TBKBP1: variants seen among roughly 807,000 people sequenced by gnomAD.
The protein encoded by TBKBP1 is TBK1 binding protein 1, also known as TANK-binding kinase 1-binding protein 1.
Under a neutral mutation model 69.9 loss-of-function variants are expected in TBKBP1, and 47 were observed. The observed-to-expected ratio is 0.67, with a 90% CI of 0.53 to 0.86. The LOEUF (loss-of-function observed/expected upper bound fraction) is 0.86. Among genes scored for constraint, TBKBP1 ranks in the 40% least tolerant of loss-of-function variants. The pLI is 0.00. For missense variants in TBKBP1, 831 were observed against 858.6 expected (o/e 0.97, Z 0.40); for synonymous variants, 418 against 390.3 (o/e 1.07, Z -0.84).
chr17:47,696,956 C>G, intron 3 of TBKBP1, 123 bp downstream of exon 3: 4 of 1,518,708 alleles, frequency 2.6e-6, no homozygotes, highest in Non-Finnish European at 2.7e-6. Context: ...CAGGTCCTCC[C>G]TAAGCCCAGC....
intron 1 of TBKBP1, among the ~76,000 whole-genome samples, chr17:47,694,412 G>A (rs2031118624): frequency 6.6e-6 from 1 of 151,858 alleles, no homozygotes; most frequent in African/African-American, 2.4e-5. Flanking sequence ...CCCTTCCCCG[G>A]CCCCGAGAGG....
At chr17:47,705,373 T>A (rs2031661157) in intron 7 of TBKBP1, among the ~76,000 whole-genome samples, 1 of 152,208 alleles carries the variant, frequency 6.6e-6, no homozygotes, top group Non-Finnish European at 1.5e-5. Flanking sequence ...GCCGTAGGGT[T>A]GTTGTGGAGA....
chr17:47,698,884 C>G, intron 5 of TBKBP1, 109 bp downstream of exon 5: 1 of 1,086,358 alleles, frequency 9.2e-7, no homozygotes, highest in Non-Finnish European at 1.3e-6. Flanking sequence ...ATCTATTTCT[C>G]CATAATCATC....
Position 47,708,958 on chromosome 17 carries a change from C to T in TBKBP1, c.1225C>T (p.Pro409Ser), listed in dbSNP as rs2143358210. 8.3e-7 allele frequency: 1 copy of T among 1,200,302 alleles called. No individual in the cohort carries two copies. The highest frequency in any genetic ancestry group is 1.0e-6 in the Non-Finnish European group (1 of 962,298). The allele number at this position is 1,200,302 out of a possible 1,614,324, so 74.4% of individuals were successfully genotyped here. The change falls in exon 9 of 10, where the codon CCC (proline) becomes TCC (serine). Residue 409 changes from proline (P) to serine (S), a missense_variant. Pro to Ser is a moderately conservative substitution (Grantham distance 74). Transcript: ENST00000578982. This position sits in a 1 kb window ranked among gnomAD's most constrained non-coding sequence, Gnocchi z 4.4. Reference protein sequence around the residue: ...RSPVPPSCQSPSPQRRSPVPP... With the variant: ...RSPVPPSCQSSSPQRRSPVPP... The stretch of plus-strand genomic sequence containing the variant: ...GCCGGTGCCGCCGTCGTGCCAGTCC[C>T]CCAGCCCGCAGCGCCGTTCCCCGGT...
At chr17:47,704,530 G>C (rs2031632556) in intron 7 of TBKBP1, among the ~76,000 whole-genome samples, 1 of 152,194 alleles carries the variant, frequency 6.6e-6, no homozygotes, top group African/African-American at 2.4e-5. Flanking sequence ...GCTGGGGGCA[G>C]CTTTGAGCAA....
chr17:47,698,708 C>T lies in TBKBP1; in HGVS notation c.567C>T (p.Pro189=), dbSNP rs141010554. 1,272 of 1,607,584 alleles carry T rather than the reference C, an allele frequency of 7.9e-4. 4 individuals carry two copies. In the African/African-American group the frequency reaches 9.3e-3, roughly 12 times the overall value. ...AFSNLSPPPA[P]APPCTDLDLH... ...CCAACCTGAGCCCACCGCCAGCCCC[C>T]GCCCCTCCCTGCACTGATTTAGACC... Residue 189 remains proline (P), a synonymous_variant, in exon 5 of 10, where the codon CCC becomes CCT. Coordinates refer to ENST00000578982, the MANE Select transcript of TBKBP1 (RefSeq NM_001394755.1).
Position 47,708,936 on chromosome 17 carries a change from G to C in TBKBP1, c.1203G>C (p.Pro401=), listed in dbSNP as rs1049278060. The C allele has an allele frequency of 3.2e-6, 4 of 1,262,516 alleles. No homozygotes were observed. The African/African-American group carries it at 4.9e-5, about 16-fold the overall frequency. 78.2% of individuals were successfully genotyped at this position (1,262,516 alleles called of 1,614,324 possible). A position where few individuals can be genotyped will look rare whatever the true frequency, so the allele number is the denominator to read the frequency against. ...CPSPVPQRRS[P]VPPSCQSPSP... ...CGCCCGTCCCGCAGCGCCGCTCGCCGGTGCCGCCGTCGTGCCAGTCCCCCA... is the reference window on the plus strand; with the variant it reads ...CGCCCGTCCCGCAGCGCCGCTCGCCCGTGCCGCCGTCGTGCCAGTCCCCCA... Residue 401 remains proline (P), a synonymous_variant, in exon 9 of 10, where the codon CCG becomes CCC. Transcript: ENST00000578982. This position sits in a 1 kb window ranked among gnomAD's most constrained non-coding sequence, Gnocchi z 4.4.
intron 7 of TBKBP1, among the ~76,000 whole-genome samples, chr17:47,703,600 G>T (rs2031595707): frequency 6.6e-6 from 1 of 152,170 alleles, no homozygotes; most frequent in Admixed American, 6.5e-5. Context: ...GTGGGGAGCA[G>T]CTCATGCCAG....
chr17:47,694,420 A>AGGGTGTCC (rs1361015884), intron 1 of TBKBP1, among the ~76,000 whole-genome samples: 4 of 146,614 alleles, frequency 2.7e-5, no homozygotes, highest in Non-Finnish European at 4.5e-5. Flanking sequence ...CGGCCCCGAG[A>AGGGTGTCC]GGGTGTCCGG....
At chr17:47,694,897 G>T (rs899619330) in intron 1 of TBKBP1, among the ~76,000 whole-genome samples, 2 of 150,302 alleles carry the variant, frequency 1.3e-5, no homozygotes, top group African/African-American at 4.9e-5. Flanking sequence ...GAGGGGGGGG[G>T]GTGGATTGAA....
In TBKBP1 at chr17:47,708,548, G is replaced by A. The variant is rs1242498368; in HGVS notation, c.991+36G>A. 1.9e-6 allele frequency: 3 copies of A among 1,605,558 alleles called. No homozygotes were observed. Among genetic ancestry groups the A allele is most frequent in the African/African-American group, 2.7e-5 (2 of 74,712 alleles). On this transcript the variant is annotated intron_variant, in intron 8 of 9. Coordinates refer to ENST00000578982, the MANE Select transcript of TBKBP1 (RefSeq NM_001394755.1). This position sits in a 1 kb window ranked among gnomAD's most constrained non-coding sequence, Gnocchi z 4.4. ...GCAGGGCAGGGGGAGGCAGCCGCGGGACCCGGGAAGGAGCGGGTAGCCATG... is the reference window on the plus strand; with the variant it reads ...GCAGGGCAGGGGGAGGCAGCCGCGGAACCCGGGAAGGAGCGGGTAGCCATG...
chr17:47,706,069 A>T (rs895511288), intron 7 of TBKBP1, among the ~76,000 whole-genome samples: 2 of 152,140 alleles, frequency 1.3e-5, no homozygotes, highest in African/African-American at 4.8e-5. Flanking sequence ...CAGGGGAGTG[A>T]CAGGGACCTG....
At chr17:47,702,660 T>C (rs1486162822) in intron 7 of TBKBP1, among the ~76,000 whole-genome samples, 1 of 151,944 alleles carries the variant, frequency 6.6e-6, no homozygotes, top group Non-Finnish European at 1.5e-5. Flanking sequence ...ACTACTACCC[T>C]CCAGGTCTGA....
chr17:47,707,063 A>T (rs931613601), intron 7 of TBKBP1, among the ~76,000 whole-genome samples: 2 of 152,136 alleles, frequency 1.3e-5, no homozygotes, highest in Admixed American at 1.3e-4. Context: ...GACACCTGGT[A>T]TTTTCTCCCA....
Position 47,709,149 on chromosome 17 carries a change from G to C in TBKBP1, c.1416G>C (p.Ala472=). 7.1e-7 allele frequency: 1 copy of C among 1,404,650 alleles called. No individual in the cohort carries two copies. Among genetic ancestry groups the C allele is most frequent in the East Asian group, 3.1e-5 (1 of 32,068 alleles). The allele number at this position is 1,404,650 out of a possible 1,614,324, so 87.0% of individuals were successfully genotyped here. ...YSELAEGAAY[A]GASPPWLQAE... is the part of the protein sequence containing the mutation. ...AGCTGGCGGAGGGCGCGGCCTACGCGGGCGCCTCCCCGCCCTGGCTGCAGG... is the reference window on the plus strand; with the variant it reads ...AGCTGGCGGAGGGCGCGGCCTACGCCGGCGCCTCCCCGCCCTGGCTGCAGG... Residue 472 remains alanine, a synonymous_variant, in exon 9 of 10, where the codon GCG becomes GCC. Transcript: ENST00000578982.
At chr17:47,703,740 ATTTT>A (rs113198338) in intron 7 of TBKBP1, among the ~76,000 whole-genome samples, 1 of 144,958 alleles carries the variant, frequency 6.9e-6, no homozygotes, top group Non-Finnish European at 1.5e-5. Flanking sequence ...CTCCCCTGAA[ATTTT>A]TTTTTTTTTT....
intron 7 of TBKBP1, among the ~76,000 whole-genome samples, chr17:47,703,087 G>A (rs906196466): frequency 1.3e-5 from 2 of 152,046 alleles, no homozygotes; most frequent in African/African-American, 2.4e-5. Flanking sequence ...TCTGTGCGGG[G>A]TCCATCTGGG....
intron 9 of TBKBP1, among the ~76,000 whole-genome samples, chr17:47,710,167 C>T (rs1196495226): frequency 2.0e-5 from 3 of 152,194 alleles, no homozygotes; most frequent in African/African-American, 7.2e-5. Flanking sequence ...GGGGTTGTAC[C>T]TTGTTTAGGA....
chr17:47,708,288 G>A lies in TBKBP1; in HGVS notation c.873-106G>A. On this transcript the variant is annotated intron_variant, in intron 7 of 9. Coordinates refer to ENST00000578982, the MANE Select transcript of TBKBP1 (RefSeq NM_001394755.1). This position sits in a 1 kb window ranked among gnomAD's most constrained non-coding sequence, Gnocchi z 4.4. The stretch of plus-strand genomic sequence containing the variant: ...GGGTAGGAGGGCCCTGCGGGTGGGA[G>A]GGAGCATGGTGGGGCCAGATGCTGG... 1 of 1,196,916 alleles carries A rather than the reference G, an allele frequency of 8.4e-7. No individual in the cohort carries two copies. Among genetic ancestry groups the A allele is most frequent in the Non-Finnish European group, 1.2e-6 (1 of 835,834 alleles). The allele number at this position is 1,196,916 out of a possible 1,614,324, so 74.1% of individuals were successfully genotyped here.
Sources: allele counts gnomAD v4.1 joint callset (sites outside exome capture counted in the v4.1 genomes callset), GRCh38; gene constraint gnomAD v4.1.1; non-coding constraint Gnocchi (gnomAD v3.1); transcripts MANE v1.5; gene names NCBI Gene and HGNC (gene_info 2026-07-23, HGNC 2026-07-21).